The following ALDH4A1 variants were observed in gnomAD, a reference collection of about 807,000 sequenced individuals.
The protein encoded by ALDH4A1 is delta-1-pyrroline-5-carboxylate dehydrogenase, mitochondrial.
A neutral mutation model predicts 70.5 loss-of-function variants in ALDH4A1; 46 were observed. The observed-to-expected ratio is 0.65, with a 90% confidence interval of 0.51 to 0.83. The LOEUF (loss-of-function observed/expected upper bound fraction) is 0.83. ALDH4A1 is among the 40% of genes least tolerant of loss of function. The probability of loss-of-function intolerance (pLI) is 0.00; values close to 1 mark genes in which losing one functional copy is unlikely to be tolerated. For synonymous variants in ALDH4A1, 323 were observed against 324.3 expected (o/e 1.00, Z 0.04); for missense variants, 749 against 766.5 (o/e 0.98, Z 0.27).
chr1:18,889,684 T>TA (rs1218933222), intron 2 of ALDH4A1, among the ~76,000 whole-genome samples: 4 of 152,154 alleles, frequency 2.6e-5, no homozygotes, highest in South Asian at 2.1e-4. Context: ...GACACAGAGA[T>TA]AAAAAAACTG....
At position 18,877,631 on chromosome 1, in the gene ALDH4A1, G is replaced by GCCCA; in HGVS notation, c.941-20_941-19insTGGG. Reference sequence around the variant, plus strand: ...CCGCACTCTACAGGGGTCGGGGGTGGGGAAATGACCAGAGGAGCTGGCTCC... The same window carrying GCCCA: ...CCGCACTCTACAGGGGTCGGGGGTGGCCCAGGAAATGACCAGAGGAGCTGGCTCC... On this transcript the variant is annotated intron_variant, in intron 9 of 14. Transcript: ENST00000375341. 1 of 684,384 alleles carries GCCCA rather than the reference G, an allele frequency of 1.5e-6. No individual in the cohort carries two copies. Among genetic ancestry groups the GCCCA allele is most frequent in the Non-Finnish European group, 2.6e-6 (1 of 383,700 alleles). 42.4% of individuals were successfully genotyped at this position (684,384 alleles called of 1,614,324 possible).
intron 1 of ALDH4A1, among the ~76,000 whole-genome samples, chr1:18,892,861 A>G (rs1422430184): frequency 6.6e-6 from 1 of 152,188 alleles, no homozygotes; most frequent in Non-Finnish European, 1.5e-5. Flanking sequence ...TAAAATCTGC[A>G]CGGCCCTCTT....
chr1:18,893,336 T>C (rs1332508554), intron 1 of ALDH4A1, among the ~76,000 whole-genome samples: 3 of 152,066 alleles, frequency 2.0e-5, no homozygotes, highest in Non-Finnish European at 4.4e-5. Flanking sequence ...GTATGCAAAA[T>C]GTATCAGGCC....
intron 13 of ALDH4A1, among the ~76,000 whole-genome samples, 168 bp downstream of exon 13, chr1:18,875,214 T>C (rs1934622541): frequency 1.3e-5 from 2 of 152,194 alleles, no homozygotes; most frequent in Non-Finnish European, 1.5e-5. Context: ...AAGAGCCTGC[T>C]GCTGTGGGCC....
rs1365691650 is a variant in ALDH4A1 at position 18,872,694 on chromosome 1, G to T, written c.*151C>A. ...AACCAGAGCCTGAGGCATGGGAGAG[G>T]CCAGAATACAGTGGTAAGAAGGGAG... On this transcript the variant is annotated 3_prime_UTR_variant, in exon 15 of 15. Transcript: ENST00000375341. 3.1e-6 allele frequency: 2 copies of T among 650,626 alleles called. No homozygotes were observed. The highest frequency in any genetic ancestry group is 2.5e-5 in the Admixed American group (1 of 40,342). 40.3% of individuals were successfully genotyped at this position (650,626 alleles called of 1,614,324 possible).
chr1:18,894,052 T>C (rs997158353), intron 1 of ALDH4A1, among the ~76,000 whole-genome samples: 3 of 152,186 alleles, frequency 2.0e-5, no homozygotes, highest in Admixed American at 2.0e-4. Context: ...GGATTACAAG[T>C]GTTGGCCTTT....
At chr1:18,892,004 G>T (rs796354625) in intron 1 of ALDH4A1, among the ~76,000 whole-genome samples, 17 of 151,816 alleles carry the variant, frequency 1.1e-4, no homozygotes, top group African/African-American at 4.1e-4. Flanking sequence ...CTCCAGCCTG[G>T]ATGACAGAGC....
intron 1 of ALDH4A1, among the ~76,000 whole-genome samples, chr1:18,900,514 G>T: frequency 6.6e-6 from 1 of 152,278 alleles, no homozygotes; most frequent in Admixed American, 6.5e-5. Context: ...CAGGGCCAGG[G>T]TTTTTTTCGT....
At chr1:18,873,301 C>A (rs1934527450) in intron 14 of ALDH4A1, among the ~76,000 whole-genome samples, 4 of 152,170 alleles carry the variant, frequency 2.6e-5, no homozygotes, top group African/African-American at 4.8e-5. Flanking sequence ...ACATATCTAG[C>A]CTTCACCCCT....
At chr1:18,900,537 C>G (rs183019532) in intron 1 of ALDH4A1, among the ~76,000 whole-genome samples, 5 of 152,094 alleles carry the variant, frequency 3.3e-5, no homozygotes. Flanking sequence ...TTGTCAGGGC[C>G]GGGGGTGCCC....
rs759868316 is a variant in ALDH4A1, at chr1:18,881,864, G to A, written c.702C>T (p.Pro234=). ...AGCTGGCCAGCATGGCAGTGTCACT[G>A]GGCTTCCATAGGACCACGTTGCCCT... ...ALMGNVVLWK[P]SDTAMLASYA... Residue 234 remains proline, a synonymous_variant, in exon 8 of 15, where the codon CCC becomes CCT. Transcript: ENST00000375341. 1 of 1,613,666 alleles carries A rather than the reference G, an allele frequency of 6.2e-7. No individual in the cohort carries two copies. The highest frequency in any genetic ancestry group is 8.5e-7 in the Non-Finnish European group (1 of 1,180,022).
intron 3 of ALDH4A1, among the ~76,000 whole-genome samples, chr1:18,888,560 A>T (rs1935307919): frequency 6.6e-6 from 1 of 152,194 alleles, no homozygotes; most frequent in Admixed American, 6.5e-5. Flanking sequence ...GCAGCCTCAG[A>T]CGCCTGCGGA....
chr1:18,881,856 G>A lies in ALDH4A1; in HGVS notation c.710C>T (p.Thr237Ile). The A allele has an allele frequency of 6.2e-7, 1 of 1,613,780 alleles. No individual in the cohort carries two copies. The highest frequency in any genetic ancestry group is 8.5e-7 in the Non-Finnish European group (1 of 1,180,038). The part of the protein sequence containing the change: ...GNVVLWKPSD[T>I]AMLASYAVYR... ...GACAGCATAGCTGGCCAGCATGGCA[G>A]TGTCACTGGGCTTCCATAGGACCAC... Residue 237 changes from threonine (T) to isoleucine (I), a missense_variant, in exon 8 of 15, where the codon ACT (threonine) becomes ATT (isoleucine). By Grantham distance (89) the Thr-to-Ile change is moderately conservative (BLOSUM62 -1). Coordinates refer to ENST00000375341, the MANE Select transcript of ALDH4A1 (RefSeq NM_003748.4).
At chr1:18,877,633 GA>G in intron 9 of ALDH4A1, 21 bp from the exon 10 acceptor site, 1 of 683,790 alleles carries the variant, frequency 1.5e-6, no homozygotes, top group Non-Finnish European at 2.6e-6. Flanking sequence ...CGGGGGTGGG[GA>G]AATGACCAGA....
intron 3 of ALDH4A1, among the ~76,000 whole-genome samples, chr1:18,888,703 C>T (rs1359104150): frequency 6.6e-6 from 1 of 152,114 alleles, no homozygotes; most frequent in Non-Finnish European, 1.5e-5. Flanking sequence ...CTGCAGACCC[C>T]AGGCCATGCT....
chr1:18,882,968 G>T, intron 7 of ALDH4A1, 156 bp downstream of exon 7: 1 of 981,854 alleles, frequency 1.0e-6, no homozygotes, highest in Non-Finnish European at 1.6e-6. Flanking sequence ...TGGGTCTCTG[G>T]TCCCAAAGCC....
rs1935164061 is a variant in ALDH4A1 at position 18,885,529 on chromosome 1, C to A, written c.397G>T (p.Asp133Tyr). 2 of 1,600,038 alleles carry A rather than the reference C, an allele frequency of 1.2e-6. No homozygotes were observed. Among genetic ancestry groups the A allele is most frequent in the East Asian group, 4.5e-5 (2 of 44,226 alleles). ...DRAQIFLKAADMLSGPRRAEI... is the reference protein window; with the variant it reads ...DRAQIFLKAAYMLSGPRRAEI... ...GCCCTGCGCGGCCCACTCAGCATGT[C>A]TGCCGCCTTCAGGAAGATCTGGGCC... Residue 133 changes from aspartate to tyrosine, a missense_variant, in exon 5 of 15, where the codon GAC (aspartate) becomes TAC (tyrosine). Physicochemically the swap from Asp to Tyr is radical, Grantham distance 160. Coordinates refer to ENST00000375341, the MANE Select transcript of ALDH4A1 (RefSeq NM_003748.4).
intron 1 of ALDH4A1, among the ~76,000 whole-genome samples, chr1:18,899,848 T>G (rs1289204787): frequency 6.6e-6 from 1 of 152,200 alleles, no homozygotes; most frequent in Non-Finnish European, 1.5e-5. Flanking sequence ...AGGGCTCACA[T>G]GATTAGTTCA....
chr1:18,878,732 G>A (rs997433869), intron 9 of ALDH4A1, among the ~76,000 whole-genome samples: 17 of 152,256 alleles, frequency 1.1e-4, no homozygotes, highest in South Asian at 2.1e-4. Flanking sequence ...GAGAAGTTCT[G>A]CACGGGAGGA....
Sources: allele counts gnomAD v4.1 joint callset (sites outside exome capture counted in the v4.1 genomes callset), GRCh38; gene constraint gnomAD v4.1.1; transcripts MANE v1.5; gene names NCBI Gene and HGNC (gene_info 2026-07-23, HGNC 2026-07-21).